Variants in BNC2 observed in about 807,000 individuals in gnomAD.
BNC2 encodes the protein basonuclin zinc finger protein 2, also known as zinc finger protein basonuclin-2.
In BNC2, 20 loss-of-function variants were observed where a neutral mutation model predicts 76.3. The ratio of observed to expected loss-of-function variants is 0.26; its 90% CI spans 0.18 to 0.38. The LOEUF is 0.38. BNC2 is among the 10% of genes least tolerant of loss of function. The pLI, the probability that BNC2 is intolerant of heterozygous loss-of-function variation, is 1.00. For synonymous variants in BNC2, 582 were observed against 514.8 expected, an observed-to-expected ratio of 1.13 and a Z score of -1.77; for missense variants, 1,382 against 1,399.8, an observed-to-expected ratio of 0.99 and a Z score of 0.20.
intron 3 of BNC2, among the ~76,000 whole-genome samples, chr9:16,683,146 T>C (rs553219580): frequency 6.2e-4 from 95 of 152,244 alleles, no homozygotes; most frequent in South Asian, 8.3e-4. Flanking sequence ...GACTTGAAGG[T>C]TGACAGTCAT....
intron 3 of BNC2, among the ~76,000 whole-genome samples, chr9:16,635,664 T>C (rs7036282): frequency 0.13 from 20,258 of 152,216 alleles, 2,364 homozygotes; most frequent in African/African-American, 0.31. Context: ...GGACAGACAA[T>C]TCTATTATAC....
At chr9:16,752,385 T>C (rs1465200767) in intron 1 of BNC2, among the ~76,000 whole-genome samples, 1 of 151,040 alleles carries the variant, frequency 6.6e-6, no homozygotes, top group African/African-American at 2.4e-5. Context: ...ATTCAGACTG[T>C]ATCTTCACAA....
Position 16,437,065 on chromosome 9 carries a change from T to C in BNC2, c.1129A>G (p.Lys377Glu), listed in dbSNP as rs777030729. The change falls in exon 6 of 7, where the codon AAG becomes GAG. Residue 377 changes from lysine (K) to glutamate (E), a missense_variant. By Grantham distance (56) the Lys-to-Glu change is moderately conservative (BLOSUM62 1). Around this residue, in one of 3 missense-constraint regions of BNC2, gnomAD observed 557 missense variants for 540.9 expected, o/e 1.03. Transcript: ENST00000380672. ...SESEVSPTPY[K>E]NDQTPNRNAL... is the part of the protein sequence containing the mutation. ...TTTCTATTGGGTGTTTGATCATTCT[T>C]ATAAGGTGTGGGAGAAACTTCGGAT... The C allele has an allele frequency of 9.9e-6, 16 of 1,613,976 alleles. No homozygotes were observed. The highest frequency in any genetic ancestry group is 2.7e-5 in the African/African-American group (2 of 74,898).
chr9:16,665,103 T>G (rs1419348619), intron 3 of BNC2: 5 of 455,872 alleles, frequency 1.1e-5, no homozygotes, highest in Non-Finnish European at 2.2e-5. Flanking sequence ...GTGCAGTGGC[T>G]CACGCCTGTA....
At chr9:16,705,168 C>A (rs1028472441) in intron 3 of BNC2, 2 of 147,806 alleles carry the variant, frequency 1.4e-5, no homozygotes, top group East Asian at 2.0e-4. Context: ...CCGCCACACA[C>A]ACTCCCCTGG....
chr9:16,811,267 G>T (rs1303683220), intron 1 of BNC2, among the ~76,000 whole-genome samples: 1 of 136,548 alleles, frequency 7.3e-6, no homozygotes, highest in Non-Finnish European at 1.6e-5. Context: ...CAGTGTATAG[G>T]GGGCCAGGCA....
chr9:16,727,106 A>C (rs970304460), intron 3 of BNC2: 1 of 152,544 alleles, frequency 6.6e-6, no homozygotes, highest in East Asian at 1.9e-4. Context: ...GCTGCGCCCG[A>C]GTGAGTGCGC....
At chr9:16,705,730 A>G (rs1823649904) in intron 3 of BNC2, among the ~76,000 whole-genome samples, 1 of 151,682 alleles carries the variant, frequency 6.6e-6, no homozygotes, top group African/African-American at 2.4e-5. Context: ...TAATTATGTT[A>G]TTATTAATGA....
intron 1 of BNC2, among the ~76,000 whole-genome samples, chr9:16,839,080 A>C (rs1818770000): frequency 6.6e-6 from 1 of 152,220 alleles, no homozygotes; most frequent in African/African-American, 2.4e-5. Context: ...CTGATACATA[A>C]AAGTTTCTAA....
At chr9:16,764,760 A>G (rs556370223) in intron 1 of BNC2, among the ~76,000 whole-genome samples, 2 of 151,644 alleles carry the variant, frequency 1.3e-5, no homozygotes, top group Admixed American at 1.3e-4. Context: ...AATAAGAAGC[A>G]ATTATCTTTC....
intron 1 of BNC2, among the ~76,000 whole-genome samples, chr9:16,844,054 G>GT (rs1173601987): frequency 1.3e-5 from 2 of 152,000 alleles, no homozygotes; most frequent in African/African-American, 4.8e-5. Context: ...AAGGCTAGGA[G>GT]TTCAAGACCA....
At chr9:16,562,577 T>C (rs921862381) in intron 4 of BNC2, among the ~76,000 whole-genome samples, 6 of 152,212 alleles carry the variant, frequency 3.9e-5, no homozygotes, top group Non-Finnish European at 8.8e-5. Context: ...TTAAAAGATT[T>C]TGAATACCTT....
rs532756161 is a variant in BNC2 at position 16,569,050 on chromosome 9, C to T, written c.433+13933G>A. On this transcript the variant is annotated intron_variant, in intron 4 of 6. Coordinates refer to ENST00000380672, the MANE Select transcript of BNC2 (RefSeq NM_017637.6). ...GAAGAAGAAAACGAATGGTATTTAG[C>T]TAAAAGAGTTGATCCCCAAGTGTGG... 4.8e-5 allele frequency among the ~76,000 whole-genome samples: 7 copies of T among 146,516 alleles called. No homozygotes were observed. The South Asian group carries it at 1.5e-3, about 32-fold the overall frequency.
At chr9:16,491,943 C>T (rs898533920) in intron 5 of BNC2, among the ~76,000 whole-genome samples, 9 of 152,134 alleles carry the variant, frequency 5.9e-5, no homozygotes, top group East Asian at 1.9e-4. Context: ...CACATACTTC[C>T]GCTTTTACAA....
chr9:16,671,976 T>C (rs1228753135), intron 3 of BNC2, among the ~76,000 whole-genome samples: 1 of 152,226 alleles, frequency 6.6e-6, no homozygotes, highest in African/African-American at 2.4e-5. Flanking sequence ...TTTCTCTCAT[T>C]AAGCAAACTC....
chr9:16,729,639 T>C (rs1018808436), intron 2 of BNC2, among the ~76,000 whole-genome samples: 10 of 152,330 alleles, frequency 6.6e-5, no homozygotes, highest in Non-Finnish European at 1.2e-4. Context: ...CAAAGAATTG[T>C]TGCCTTAAAA....
At chr9:16,627,347 A>G (rs1041520379) in intron 3 of BNC2, among the ~76,000 whole-genome samples, 1 of 152,200 alleles carries the variant, frequency 6.6e-6, no homozygotes, top group African/African-American at 2.4e-5. Context: ...AAGCAAGCAA[A>G]TGTCAAAGCA....
chr9:16,484,188 A>G (rs1822114412), intron 5 of BNC2, among the ~76,000 whole-genome samples: 1 of 152,198 alleles, frequency 6.6e-6, no homozygotes, highest in Admixed American at 6.5e-5. Context: ...AATTTTGAAC[A>G]GTCTAGGCCG....
rs765789866 is a variant in BNC2 at position 16,436,566 on chromosome 9, G to C, written c.1628C>G (p.Thr543Ser). ...TTGCAAGACAGGGTCTAGAGGGGGA[G>C]TGGTAAAACCCATTGGGGGTCGGCC... Reference protein sequence around the residue: ...SPGRPPMGFTTPPLDPVLQNP... With the variant: ...SPGRPPMGFTSPPLDPVLQNP... The change falls in exon 6 of 7, where the codon ACT becomes AGT. Residue 543 changes from threonine (T) to serine (S), a missense_variant. Thr to Ser is a moderately conservative substitution (Grantham distance 58). Around this residue, in one of 3 missense-constraint regions of BNC2, gnomAD observed 798 missense variants for 775.5 expected, o/e 1.03. Coordinates refer to ENST00000380672, the MANE Select transcript of BNC2 (RefSeq NM_017637.6). 6.2e-7 allele frequency: 1 copy of C among 1,613,988 alleles called. No homozygotes were observed. The highest frequency in any genetic ancestry group is 1.3e-5 in the African/African-American group (1 of 74,892).
Sources: gnomAD v4.1 joint callset for allele counts (sites outside exome capture counted in the v4.1 genomes callset) on GRCh38, gnomAD v4.1.1 for gene constraint, gnomAD v4.1.1 regional missense constraint, MANE v1.5 for transcripts, NCBI Gene and HGNC (gene_info 2026-07-23, HGNC 2026-07-21) for gene names.